CDKL1: variants seen among roughly 807,000 people sequenced by gnomAD.
CDKL1 encodes the protein cyclin-dependent kinase-like 1.
Under a neutral mutation model 42.0 loss-of-function variants are expected in CDKL1, and 41 were observed. The observed-to-expected ratio is 0.98, with a 90% CI of 0.76 to 1.27. The LOEUF (loss-of-function observed/expected upper bound fraction) is 1.27, where lower values mean the gene tolerates loss of function less well. Among genes scored for constraint, CDKL1 ranks in the 50% most tolerant of loss-of-function variants. CDKL1 has a pLI of 0.00. For synonymous variants in CDKL1, 153 were observed against 158.6 expected (o/e 0.96, Z 0.26); for missense variants, 394 against 428.4 (o/e 0.92, Z 0.71).
Position 50,364,355 on chromosome 14 carries a change from GCTA to G in CDKL1, c.169-5209_169-5207del, listed in dbSNP as rs531738227. ...GTGGCGGCACGCACCTGTAATCCCA[GCTA>G]CTCGGGAGACTGAGGCATGAGAATC... is the stretch of plus-strand genomic sequence containing the variant. On this transcript the variant is annotated intron_variant, in intron 2 of 9. Coordinates refer to ENST00000395834, the MANE Select transcript of CDKL1 (RefSeq NM_004196.7). 5.3e-5 allele frequency among the ~76,000 whole-genome samples: 8 copies of G among 152,322 alleles called. No homozygotes were observed. In the South Asian group the frequency reaches 8.3e-4, roughly 16 times the overall value.
chr14:50,335,355 C>A, intron 7 of CDKL1: 2 of 633,178 alleles, frequency 3.2e-6, no homozygotes, highest in Non-Finnish European at 5.1e-6. Flanking sequence ...AAGGGAGCTG[C>A]AAAATAGATG....
intron 2 of CDKL1, among the ~76,000 whole-genome samples, chr14:50,366,566 T>C (rs2034441872): frequency 6.6e-6 from 1 of 152,242 alleles, no homozygotes; most frequent in Non-Finnish European, 1.5e-5. Flanking sequence ...CATGGGGCTC[T>C]TAAAAGCTCA....
intron 2 of CDKL1, among the ~76,000 whole-genome samples, chr14:50,389,681 T>C (rs780525549): frequency 3.3e-5 from 5 of 152,154 alleles, no homozygotes; most frequent in Admixed American, 6.5e-5. Flanking sequence ...CCTTCTAAAA[T>C]AGTCCATAGG....
intron 6 of CDKL1, among the ~76,000 whole-genome samples, chr14:50,339,294 G>A (rs2033422802): frequency 6.6e-6 from 1 of 152,048 alleles, no homozygotes; most frequent in South Asian, 2.1e-4. Flanking sequence ...TGTTCTCAGA[G>A]CCTACAGTGT....
chr14:50,378,505 G>C, intron 2 of CDKL1: 1 of 1,149,982 alleles, frequency 8.7e-7, no homozygotes, highest in East Asian at 4.9e-5. Flanking sequence ...TCTTGACAAG[G>C]ACACCTGCAG....
At chr14:50,335,757 C>T (rs1426352064) in intron 7 of CDKL1, 6 of 985,184 alleles carry the variant, frequency 6.1e-6, no homozygotes, top group African/African-American at 3.5e-5. Context: ...TGGCCAGGCT[C>T]ATCTAATCAA....
intron 2 of CDKL1, among the ~76,000 whole-genome samples, chr14:50,388,284 G>A (rs549439275): frequency 6.6e-6 from 1 of 152,340 alleles, no homozygotes; most frequent in South Asian, 2.1e-4. Context: ...TCTAATGCTA[G>A]GGAGCATTTA....
intron 2 of CDKL1, among the ~76,000 whole-genome samples, chr14:50,361,199 T>G (rs1043906577): frequency 3.9e-5 from 6 of 152,222 alleles, no homozygotes; most frequent in African/African-American, 1.4e-4. Flanking sequence ...GTTCTTGAAC[T>G]GCATGCTACA....
intron 2 of CDKL1, among the ~76,000 whole-genome samples, chr14:50,387,635 C>T (rs2035127251): frequency 6.6e-6 from 1 of 152,186 alleles, no homozygotes; most frequent in African/African-American, 2.4e-5. Flanking sequence ...CCAGTCTCCA[C>T]CTCTCCATCT....
At chr14:50,349,440 A>AT (rs2033829956) in intron 3 of CDKL1, among the ~76,000 whole-genome samples, 1 of 152,116 alleles carries the variant, frequency 6.6e-6, no homozygotes, top group African/African-American at 2.4e-5. Context: ...ATCAAAGAAG[A>AT]TTATGTGGGC....
chr14:50,337,834 C>T (rs2033363410), intron 7 of CDKL1, among the ~76,000 whole-genome samples: 1 of 151,788 alleles, frequency 6.6e-6, no homozygotes, highest in African/African-American at 2.4e-5. Flanking sequence ...GTGCGTGCCA[C>T]CATGCTAGGC....
chr14:50,365,920 C>T (rs1463386317), intron 2 of CDKL1, among the ~76,000 whole-genome samples: 2 of 152,224 alleles, frequency 1.3e-5, no homozygotes, highest in African/African-American at 4.8e-5. Context: ...AGCTTTTGGA[C>T]TCTTGGACTT....
At chr14:50,354,080 G>A (rs967848858) in intron 3 of CDKL1, among the ~76,000 whole-genome samples, 4 of 151,066 alleles carry the variant, frequency 2.6e-5, no homozygotes, top group African/African-American at 7.3e-5. Context: ...TCAGCCTCCC[G>A]AGTAGCTGGG....
rs965756233 is a variant in CDKL1 at position 50,329,047 on chromosome 14, A to G, written c.*1027T>C. 3.4e-5 allele frequency: 5 copies of G among 148,824 alleles called. No homozygotes were observed. The highest frequency in any genetic ancestry group is 5.9e-5 in the Non-Finnish European group (4 of 67,368). The allele number at this position is 148,824 out of a possible 1,614,324, so 9.2% of individuals were successfully genotyped here. ...AGTTGTTAGAATAGCATATATATAT[A>G]TATATATATATATATACATACACAT... On this transcript the variant is annotated 3_prime_UTR_variant, in exon 10 of 10. Coordinates refer to ENST00000395834, the MANE Select transcript of CDKL1 (RefSeq NM_004196.7).
Position 50,327,377 on chromosome 14 carries a change from A to G in CDKL1, c.*2697T>C, listed in dbSNP as rs1224939098. 6.7e-6 allele frequency: 1 copy of G among 148,804 alleles called. No homozygotes were observed. Among genetic ancestry groups the G allele is most frequent in the Non-Finnish European group, 1.5e-5 (1 of 67,458 alleles). The allele number at this position is 148,804 out of a possible 1,614,324, so 9.2% of individuals were successfully genotyped here. ...TGAAAAATAGATAAAACAGGTCTTC[A>G]TTGTTACCTGTGAGAAATGGCCCTG... On this transcript the variant is annotated 3_prime_UTR_variant, in exon 10 of 10. Coordinates refer to ENST00000395834, the MANE Select transcript of CDKL1 (RefSeq NM_004196.7).
intron 6 of CDKL1, 42 bp downstream of exon 6, chr14:50,340,990 A>G: frequency 6.2e-7 from 1 of 1,600,642 alleles, no homozygotes. Context: ...AACCTGGGGA[A>G]ATATCCAGTT....
At chr14:50,379,797 T>C (rs2034849980) in intron 2 of CDKL1, among the ~76,000 whole-genome samples, 1 of 152,208 alleles carries the variant, frequency 6.6e-6, no homozygotes, top group African/African-American at 2.4e-5. Context: ...GTCCAAAGTG[T>C]TGCTGACTGA....
chr14:50,352,623 T>C (rs1219274515), intron 3 of CDKL1, among the ~76,000 whole-genome samples: 1 of 151,360 alleles, frequency 6.6e-6, no homozygotes, highest in Non-Finnish European at 1.5e-5. Context: ...AGAAAATACA[T>C]AGAAAAGAAT....
chr14:50,393,879 C>A (rs777618155), intron 2 of CDKL1, among the ~76,000 whole-genome samples: 14 of 152,154 alleles, frequency 9.2e-5, no homozygotes, highest in Non-Finnish European at 1.9e-4. Context: ...TTTGACTTCC[C>A]CATTTATTGG....
Sources: allele counts gnomAD v4.1 joint callset (sites outside exome capture counted in the v4.1 genomes callset), GRCh38; gene constraint gnomAD v4.1.1; transcripts MANE v1.5; gene names NCBI Gene and HGNC (gene_info 2026-07-23, HGNC 2026-07-21).